CEP164: variants seen among roughly 807,000 people sequenced by gnomAD.
The protein encoded by CEP164 is centrosomal protein 164.
In CEP164, 162 loss-of-function variants were observed where a neutral mutation model predicts 182.7. The ratio of observed to expected loss-of-function variants is 0.89; its 90% CI spans 0.78 to 1.01. The LOEUF (loss-of-function observed/expected upper bound fraction) is 1.01, where lower values mean the gene tolerates loss of function less well. Ranked by LOEUF, CEP164 falls within the 50% of genes least tolerant of loss-of-function variation. The probability of loss-of-function intolerance (pLI) is 0.00; values close to 1 mark genes in which losing one functional copy is unlikely to be tolerated. For missense variants in CEP164, 1,735 were observed against 1,790.4 expected, an observed-to-expected ratio of 0.97 and a Z score of 0.56; for synonymous variants, 661 against 690.0, an observed-to-expected ratio of 0.96 and a Z score of 0.66.
At chr11:117,397,557 A>T (rs749461379) in intron 27 of CEP164, among the ~76,000 whole-genome samples, 3 of 152,232 alleles carry the variant, frequency 2.0e-5, no homozygotes, top group Admixed American at 6.5e-5. Context: ...ATAAAGACAT[A>T]CCTGAAACTG....
In CEP164 at chr11:117,395,626, G is replaced by A. The variant is rs562263740; in HGVS notation, c.2993G>A (p.Arg998Gln). The change falls in exon 24 of 33, where the codon CGA becomes CAA. Residue 998 changes from arginine to glutamine, a missense_variant. Coordinates refer to ENST00000278935, the MANE Select transcript of CEP164 (RefSeq NM_014956.5). ...CTGTTGCAGTCAAACCAGCAGCTCCGAGAAATTCTTGATGAGCTGCAGGCC... is the reference window on the plus strand; with the variant it reads ...CTGTTGCAGTCAAACCAGCAGCTCCAAGAAATTCTTGATGAGCTGCAGGCC... ...THLLQSNQQL[R>Q]EILDELQARK... 22 of 1,613,942 alleles carry A rather than the reference G, an allele frequency of 1.4e-5. No individual in the cohort carries two copies. The highest frequency in any genetic ancestry group is 8.9e-5 in the East Asian group (4 of 44,876).
chr11:117,373,916 C>T lies in CEP164; in HGVS notation c.1233+85C>T, dbSNP rs995448632. On this transcript the variant is annotated intron_variant, in intron 10 of 32. Coordinates refer to ENST00000278935, the MANE Select transcript of CEP164 (RefSeq NM_014956.5). ...GGGTTAAGTAATTTGCCTAGCATCA[C>T]GCAGCTTATAAGTGGGAGAATTTCG... is the stretch of plus-strand genomic sequence containing the variant. 41 of 1,181,872 alleles carry T rather than the reference C, an allele frequency of 3.5e-5. 1 individual carries two copies. The highest frequency in any genetic ancestry group is 2.4e-4 in the Admixed American group (13 of 54,150). 73.2% of individuals were successfully genotyped at this position (1,181,872 alleles called of 1,614,324 possible).
intron 20 of CEP164, among the ~76,000 whole-genome samples, chr11:117,393,486 C>G (rs544246129): frequency 6.6e-6 from 1 of 152,188 alleles, no homozygotes; most frequent in African/African-American, 2.4e-5. Context: ...AGCTCTTTAT[C>G]TATTTTAACT....
In CEP164 at chr11:117,394,510, A is replaced by G. The variant is rs1259464597; in HGVS notation, c.2760+17A>G. 1 of 1,612,668 alleles carries G rather than the reference A, an allele frequency of 6.2e-7. No homozygotes were observed. Among genetic ancestry groups the G allele is most frequent in the Non-Finnish European group, 8.5e-7 (1 of 1,179,780 alleles). ...AGGGAGCAGGTGAGGGGCCTGGGGCAGGGTGAGCCCACTGTGACCCCTCCA... is the reference window on the plus strand; with the variant it reads ...AGGGAGCAGGTGAGGGGCCTGGGGCGGGGTGAGCCCACTGTGACCCCTCCA... On this transcript the variant is annotated intron_variant, in intron 21 of 32. Coordinates refer to ENST00000278935, the MANE Select transcript of CEP164 (RefSeq NM_014956.5). This position sits in a 1 kb window ranked among gnomAD's most constrained non-coding sequence, Gnocchi z 4.0.
intron 6 of CEP164, 114 bp from the exon 7 acceptor site, chr11:117,362,290 C>T: frequency 8.5e-7 from 1 of 1,181,922 alleles, no homozygotes; most frequent in Non-Finnish European, 1.2e-6. Flanking sequence ...GCTTCATGGA[C>T]ATGGTGGCAC....
At chr11:117,331,055 T>G (rs1164909265) in intron 1 of CEP164, among the ~76,000 whole-genome samples, 1 of 152,230 alleles carries the variant, frequency 6.6e-6, no homozygotes. Context: ...TGGTCAACCT[T>G]CTTTGTAATT....
intron 28 of CEP164, 135 bp from the exon 29 acceptor site, chr11:117,408,755 C>T (rs924947445): frequency 1.2e-5 from 14 of 1,130,970 alleles, no homozygotes; most frequent in African/African-American, 6.3e-5. Context: ...CATGGATTTG[C>T]GTAAGAAAAC....
chr11:117,373,292 G>A (rs553314033), intron 9 of CEP164, among the ~76,000 whole-genome samples: 5 of 152,056 alleles, frequency 3.3e-5, no homozygotes, highest in Admixed American at 1.3e-4. Context: ...GCTGGGACCC[G>A]GGAGGTGGAG....
chr11:117,335,275 T>A (rs942942191), intron 1 of CEP164, among the ~76,000 whole-genome samples: 3 of 152,320 alleles, frequency 2.0e-5, no homozygotes, highest in Admixed American at 6.5e-5. Flanking sequence ...CCACTTCAGC[T>A]TATGTACTGT....
intron 17 of CEP164, 41 bp downstream of exon 17, chr11:117,391,256 C>G (rs1407901941): frequency 6.4e-7 from 1 of 1,550,602 alleles, no homozygotes; most frequent in Non-Finnish European, 8.8e-7. Context: ...TGACCTGTGT[C>G]TGGGCTGCCT....
intron 12 of CEP164, 66 bp from the exon 13 acceptor site, chr11:117,381,635 C>G: frequency 6.5e-7 from 1 of 1,531,778 alleles, no homozygotes; most frequent in Non-Finnish European, 8.8e-7. Context: ...ACACTGTACT[C>G]CCCAGTTCTC....
chr11:117,365,157 A>AGAC (rs2041476417), intron 8 of CEP164, among the ~76,000 whole-genome samples: 1 of 152,198 alleles, frequency 6.6e-6, no homozygotes, highest in Admixed American at 6.5e-5. Flanking sequence ...CAGAGGACTT[A>AGAC]TTTGCTTGTG....
intron 6 of CEP164, 51 bp downstream of exon 6, chr11:117,362,044 G>A (rs772199591): frequency 2.7e-5 from 40 of 1,487,706 alleles, no homozygotes; most frequent in Middle Eastern, 3.6e-4. Context: ...GGGGCCTCCC[G>A]TGTGCCATAC....
Position 117,346,455 on chromosome 11 carries a change from C to T in CEP164, c.194+2178C>T, listed in dbSNP as rs138869088. On this transcript the variant is annotated intron_variant, in intron 4 of 32. Transcript: ENST00000278935. The stretch of plus-strand genomic sequence containing the variant: ...TTTATTTTTAGTAGGGACGGGGTTT[C>T]GCCATGTTGATCAGGCTGGTCTTGA... Among the ~76,000 whole-genome samples the T allele has an allele frequency of 3.9e-4, 59 of 151,834 alleles. No homozygotes were observed. The East Asian group carries it at 0.011, about 27-fold the overall frequency.
In CEP164 at chr11:117,371,139, T is replaced by C; in HGVS notation, c.825T>C (p.Ala275=). The change falls in exon 9 of 33, where the codon GCT becomes GCC. Residue 275 remains alanine, a synonymous_variant. Transcript: ENST00000278935. ...AGGATGTTTCTCTGGATTCAGATGC[T>C]GCCGGTCCCCCTACTCCCTGCAAGC... ...EKKDVSLDSD[A]AGPPTPCKPS... 6.2e-7 allele frequency: 1 copy of C among 1,612,692 alleles called. No individual in the cohort carries two copies. Among genetic ancestry groups the C allele is most frequent in the Non-Finnish European group, 8.5e-7 (1 of 1,178,980 alleles).
chr11:117,381,529 C>G (rs2043311915), intron 12 of CEP164, among the ~76,000 whole-genome samples, 172 bp from the exon 13 acceptor site: 1 of 152,186 alleles, frequency 6.6e-6, no homozygotes. Flanking sequence ...ATCCTTCCCA[C>G]ATGTGTGGCT....
At chr11:117,346,333 A>G (rs933122288) in intron 4 of CEP164, among the ~76,000 whole-genome samples, 1 of 151,862 alleles carries the variant, frequency 6.6e-6, no homozygotes, top group African/African-American at 2.4e-5. Flanking sequence ...CAATGGCGCA[A>G]TCTTGGCTCA....
chr11:117,408,858 G>A (rs1663842389), intron 28 of CEP164, 32 bp from the exon 29 acceptor site: 2 of 1,612,988 alleles, frequency 1.2e-6, no homozygotes, highest in Admixed American at 1.7e-5. Context: ...ACGTGGGAGA[G>A]GTGGGTCATA....
rs116317646 is a variant in CEP164 at position 117,410,064 on chromosome 11, C to G, written c.4096+99C>G. On this transcript the variant is annotated intron_variant, in intron 30 of 32. Coordinates refer to ENST00000278935, the MANE Select transcript of CEP164 (RefSeq NM_014956.5). The stretch of plus-strand genomic sequence containing the variant: ...TTTCTCCTGCTCCTTTTCTCCTCTT[C>G]CTCTTTTGCATCCCTTTGCCACACC... 1.4e-3 allele frequency: 1,638 copies of G among 1,145,266 alleles called. 18 individuals carry two copies. In the African/African-American group the frequency reaches 0.02, roughly 14 times the overall value. 70.9% of individuals were successfully genotyped at this position (1,145,266 alleles called of 1,614,324 possible). A position where few individuals can be genotyped will look rare whatever the true frequency, so the allele number is the denominator to read the frequency against.
Sources: gnomAD v4.1 joint callset for allele counts (sites outside exome capture counted in the v4.1 genomes callset) on GRCh38, gnomAD v4.1.1 for gene constraint, Gnocchi (gnomAD v3.1) non-coding constraint, MANE v1.5 for transcripts, NCBI Gene and HGNC (gene_info 2026-07-23, HGNC 2026-07-21) for gene names.